Variants in GALNTL6 observed in about 807,000 individuals in gnomAD.
GALNTL6 encodes polypeptide N-acetylgalactosaminyltransferase-like 6.
A neutral mutation model predicts 73.7 loss-of-function variants in GALNTL6; 46 were observed. That is an observed-to-expected ratio of 0.62 (90% CI 0.49 to 0.80). The LOEUF is 0.80. Among genes scored for constraint, GALNTL6 ranks in the 30% least tolerant of loss-of-function variants. GALNTL6 has a pLI of 0.00. For synonymous variants in GALNTL6, 259 were observed against 263.7 expected (o/e 0.98, Z 0.17); for missense variants, 604 against 755.0 (o/e 0.80, Z 2.34).
chr4:172,904,983 G>A (rs1485853049), intron 8 of GALNTL6, among the ~76,000 whole-genome samples: 1 of 152,072 alleles, frequency 6.6e-6, no homozygotes, highest in African/African-American at 2.4e-5. Context: ...CTTTAATTTT[G>A]TGCCCCTTTA....
At chr4:172,052,162 A>G (rs1730893085) in intron 2 of GALNTL6, among the ~76,000 whole-genome samples, 1 of 152,212 alleles carries the variant, frequency 6.6e-6, no homozygotes, top group African/African-American at 2.4e-5. Context: ...AAGAGTCCTC[A>G]CATATAATTT....
chr4:172,948,791 C>T (rs1431526980), intron 9 of GALNTL6, among the ~76,000 whole-genome samples: 1 of 152,034 alleles, frequency 6.6e-6, no homozygotes, highest in Non-Finnish European at 1.5e-5. Context: ...TTTGAGAAAT[C>T]AACACACCTA....
Position 172,279,381 on chromosome 4 carries a change from C to G in GALNTL6, c.248-32233C>G, listed in dbSNP as rs772078591. Among the ~76,000 whole-genome samples, 94 of 151,922 alleles carry G rather than the reference C, an allele frequency of 6.2e-4. No homozygotes were observed. In the Middle Eastern group the frequency reaches 0.014, roughly 22 times the overall value. ...TACAACTCAACAACAACAAAATAAC[C>G]TAGTTAAAAATGAATAAATGACTTC... On this transcript the variant is annotated intron_variant, in intron 3 of 12. Transcript: ENST00000506823.
At chr4:172,097,885 T>G (rs2110954391) in intron 2 of GALNTL6, among the ~76,000 whole-genome samples, 1 of 152,234 alleles carries the variant, frequency 6.6e-6, no homozygotes, top group South Asian at 2.1e-4. Context: ...TGTTTAGAAC[T>G]TGTTTACTAT....
intron 2 of GALNTL6, among the ~76,000 whole-genome samples, chr4:172,141,878 CACAA>C (rs1553996259): frequency 3.6e-5 from 4 of 112,330 alleles, no homozygotes; most frequent in African/African-American, 1.0e-4. Context: ...CAAGAACACA[CACAA>C]ACACACACAC....
intron 5 of GALNTL6, among the ~76,000 whole-genome samples, chr4:172,801,741 C>T (rs2110962104): frequency 6.6e-6 from 1 of 152,288 alleles, no homozygotes; most frequent in Middle Eastern, 3.4e-3. Context: ...AACTATTATA[C>T]ATTCAAAGCT....
intron 5 of GALNTL6, among the ~76,000 whole-genome samples, chr4:172,605,679 G>C (rs1041356100): frequency 1.3e-5 from 2 of 152,078 alleles, no homozygotes; most frequent in African/African-American, 4.8e-5. Flanking sequence ...ATGCGGTTTG[G>C]TATGGCTAGA....
At chr4:171,904,039 G>C (rs1244009893) in intron 2 of GALNTL6, among the ~76,000 whole-genome samples, 1 of 152,080 alleles carries the variant, frequency 6.6e-6, no homozygotes, top group Non-Finnish European at 1.5e-5. Context: ...CCACAAAGAT[G>C]GGGAAAAAAC....
intron 7 of GALNTL6, among the ~76,000 whole-genome samples, chr4:172,845,216 CAAAAAAAAA>C (rs11336973): frequency 1.1e-5 from 1 of 91,068 alleles, no homozygotes; most frequent in Non-Finnish European, 2.4e-5. Context: ...GTCTCTGTCT[CAAAAAAAAA>C]AAAAAAAAAG....
chr4:172,669,359 A>T (rs1391121735), intron 5 of GALNTL6, among the ~76,000 whole-genome samples: 3 of 152,210 alleles, frequency 2.0e-5, no homozygotes, highest in African/African-American at 4.8e-5. Flanking sequence ...ATTGCCAAAA[A>T]TAATCTACCT....
intron 5 of GALNTL6, among the ~76,000 whole-genome samples, chr4:172,702,246 G>A (rs544759759): frequency 5.7e-4 from 87 of 151,978 alleles, no homozygotes; most frequent in African/African-American, 2.0e-3. Flanking sequence ...AAAATCTATT[G>A]GAACTTTCAC....
chr4:172,547,171 T>C (rs981025036), intron 5 of GALNTL6, among the ~76,000 whole-genome samples: 1 of 151,996 alleles, frequency 6.6e-6, no homozygotes, highest in African/African-American at 2.4e-5. Context: ...ATCAGTTGCC[T>C]CAAAGGGGTG....
At chr4:172,280,358 C>T (rs1739000493) in intron 3 of GALNTL6, among the ~76,000 whole-genome samples, 1 of 151,998 alleles carries the variant, frequency 6.6e-6, no homozygotes, top group South Asian at 2.1e-4. Flanking sequence ...ACAAGGTGGG[C>T]CTTATGTTGT....
chr4:172,055,175 A>T (rs1044915847), intron 2 of GALNTL6, among the ~76,000 whole-genome samples: 10 of 152,068 alleles, frequency 6.6e-5, no homozygotes, highest in Admixed American at 6.6e-4. Context: ...AAGTAGAGAA[A>T]ATTTCCCCTG....
intron 5 of GALNTL6, among the ~76,000 whole-genome samples, chr4:172,737,481 AT>A (rs1209930059): frequency 6.6e-6 from 1 of 151,762 alleles, no homozygotes; most frequent in African/African-American, 2.4e-5. Context: ...TATTATTTCA[AT>A]TTTTTGCTAA....
intron 2 of GALNTL6, among the ~76,000 whole-genome samples, chr4:172,081,347 G>A (rs1228886266): frequency 6.6e-6 from 1 of 152,210 alleles, no homozygotes; most frequent in Non-Finnish European, 1.5e-5. Context: ...GAGTCTGCAA[G>A]TTGACAACCT....
intron 7 of GALNTL6, among the ~76,000 whole-genome samples, chr4:172,826,853 T>G (rs1579533479): frequency 6.6e-6 from 1 of 152,222 alleles, no homozygotes; most frequent in East Asian, 1.9e-4. Flanking sequence ...CAATTCAAAC[T>G]CAGTCAATTC....
intron 8 of GALNTL6, among the ~76,000 whole-genome samples, chr4:172,922,550 A>G (rs997612642): frequency 6.6e-6 from 1 of 152,160 alleles, no homozygotes; most frequent in African/African-American, 2.4e-5. Flanking sequence ...TATCCAGGGG[A>G]TAGAGACAAA....
rs533411289 is a variant in GALNTL6, at chr4:172,398,808, A to G, written c.553+50119A>G. 3.3e-5 allele frequency among the ~76,000 whole-genome samples: 5 copies of G among 152,222 alleles called. No homozygotes were observed. The East Asian group carries it at 9.6e-4, about 29-fold the overall frequency. ...AATTTGTATTTATGGGCTTGGTTTG[A>G]TAAGTATTTTTTGGAGGTTCTTTCA... On this transcript the variant is annotated intron_variant, in intron 5 of 12. Transcript: ENST00000506823.
Sources: gnomAD v4.1 joint callset for allele counts (sites outside exome capture counted in the v4.1 genomes callset) on GRCh38, gnomAD v4.1.1 for gene constraint, MANE v1.5 for transcripts, NCBI Gene and HGNC (gene_info 2026-07-23, HGNC 2026-07-21) for gene names.